The following TMEM132C variants were observed in gnomAD, a reference collection of about 807,000 sequenced individuals.
TMEM132C encodes protein phosphatase 1, regulatory subunit 152.
TMEM132C carries 29 observed loss-of-function variants against 61.4 expected under a neutral mutation model. The ratio of observed to expected loss-of-function variants is 0.47; its 90% CI spans 0.35 to 0.64. The LOEUF (loss-of-function observed/expected upper bound fraction) is 0.64. Ranked by LOEUF, TMEM132C falls within the 30% of genes least tolerant of loss-of-function variation. The pLI is 0.00. For synonymous variants in TMEM132C, 656 were observed against 633.1 expected, an observed-to-expected ratio of 1.04 and a Z score of -0.54; for missense variants, 1,408 against 1,476.9, an observed-to-expected ratio of 0.95 and a Z score of 0.76.
At chr12:128,596,214 G>A (rs1279677178) in intron 3 of TMEM132C, among the ~76,000 whole-genome samples, 4 of 151,110 alleles carry the variant, frequency 2.6e-5, no homozygotes, top group African/African-American at 7.3e-5. Flanking sequence ...TGCCCCTTTC[G>A]CAGGTCCTGG....
chr12:128,528,793 T>C (rs1443785083), intron 2 of TMEM132C, among the ~76,000 whole-genome samples: 1 of 152,142 alleles, frequency 6.6e-6, no homozygotes, highest in Non-Finnish European at 1.5e-5. Context: ...GCTTAGACCA[T>C]GGCTCACCGT....
intron 3 of TMEM132C, among the ~76,000 whole-genome samples, chr12:128,595,495 G>A (rs2135569468): frequency 6.6e-6 from 1 of 152,306 alleles, no homozygotes; most frequent in Non-Finnish European, 1.5e-5. Context: ...AGGGGCAAGG[G>A]TAATTGCCAA....
At chr12:128,634,960 T>C (rs1157968886) in intron 4 of TMEM132C, among the ~76,000 whole-genome samples, 1 of 152,200 alleles carries the variant, frequency 6.6e-6, no homozygotes, top group Non-Finnish European at 1.5e-5. Flanking sequence ...AGATAGTTCC[T>C]TTTCTAAGTA....
chr12:128,297,790 A>G (rs1213158471), intron 1 of TMEM132C, among the ~76,000 whole-genome samples: 1 of 152,186 alleles, frequency 6.6e-6, no homozygotes, highest in Non-Finnish European at 1.5e-5. Context: ...AAAAGTTAAA[A>G]CCCAATCATT....
chr12:128,430,794 T>C (rs1040779410), intron 2 of TMEM132C, among the ~76,000 whole-genome samples: 4 of 152,238 alleles, frequency 2.6e-5, no homozygotes, highest in African/African-American at 7.2e-5. Context: ...CACCATGAAC[T>C]GTGCCCATAT....
chr12:128,644,495 G>A (rs187303274), intron 4 of TMEM132C, among the ~76,000 whole-genome samples: 10 of 152,274 alleles, frequency 6.6e-5, no homozygotes, highest in South Asian at 2.1e-4. Flanking sequence ...TAAGTGAAGC[G>A]TTTAAAAATT....
intron 3 of TMEM132C, among the ~76,000 whole-genome samples, chr12:128,587,685 C>T (rs73426474): frequency 1.3e-5 from 2 of 152,152 alleles, no homozygotes; most frequent in Non-Finnish European, 1.5e-5. Context: ...AGCCTTCAAG[C>T]TCAGGACTTT....
At chr12:128,494,022 G>C (rs540464823) in intron 2 of TMEM132C, among the ~76,000 whole-genome samples, 17 of 151,548 alleles carry the variant, frequency 1.1e-4, no homozygotes, top group African/African-American at 2.7e-4. Flanking sequence ...GAGATACGTC[G>C]CATCAATACC....
At chr12:128,627,789 C>T (rs374829672) in intron 4 of TMEM132C, among the ~76,000 whole-genome samples, 56 of 152,292 alleles carry the variant, frequency 3.7e-4, no homozygotes, top group African/African-American at 1.3e-3. Context: ...CAGCTCCCTC[C>T]GCCGAGGAGT....
chr12:128,609,418 T>C (rs1412007863), intron 3 of TMEM132C, among the ~76,000 whole-genome samples: 5 of 151,300 alleles, frequency 3.3e-5, no homozygotes, highest in Non-Finnish European at 7.4e-5. Context: ...TAGTTTTTGT[T>C]TTTGTTTTGT....
At chr12:128,417,136 C>G (rs1178732938) in intron 2 of TMEM132C, among the ~76,000 whole-genome samples, 1 of 152,136 alleles carries the variant, frequency 6.6e-6, no homozygotes, top group African/African-American at 2.4e-5. Flanking sequence ...AGATGCTGAT[C>G]TGGGAGCTCT....
intron 3 of TMEM132C, among the ~76,000 whole-genome samples, chr12:128,565,875 GAAAA>G (rs768067209): frequency 2.3e-5 from 3 of 131,344 alleles, no homozygotes; most frequent in East Asian, 4.3e-4. Flanking sequence ...CTAAATAGGT[GAAAA>G]AAAAAAAAAG....
chr12:128,370,561 C>T (rs578149524), intron 1 of TMEM132C, among the ~76,000 whole-genome samples: 16 of 151,588 alleles, frequency 1.1e-4, no homozygotes, highest in East Asian at 6.0e-4. Context: ...TCAAGCAGGA[C>T]GGAGGTAGAG....
At chr12:128,701,642 G>C (rs1039034052) in intron 8 of TMEM132C, among the ~76,000 whole-genome samples, 3 of 152,110 alleles carry the variant, frequency 2.0e-5, no homozygotes. Flanking sequence ...CCAAACAAGC[G>C]TTGGACATTC....
intron 4 of TMEM132C, among the ~76,000 whole-genome samples, chr12:128,642,281 G>A (rs1480279071): frequency 1.3e-5 from 2 of 151,960 alleles, no homozygotes; most frequent in Non-Finnish European, 2.9e-5. Flanking sequence ...ACAGGTGTGT[G>A]CCACCATGTC....
chr12:128,356,486 G>C (rs1382289906), intron 1 of TMEM132C, among the ~76,000 whole-genome samples: 1 of 152,206 alleles, frequency 6.6e-6, no homozygotes, highest in Non-Finnish European at 1.5e-5. Flanking sequence ...TGTCTTCTCA[G>C]TTAGGAGGAA....
intron 4 of TMEM132C, among the ~76,000 whole-genome samples, chr12:128,641,484 A>G (rs1565999867): frequency 6.6e-6 from 1 of 152,208 alleles, no homozygotes. Context: ...AAGTGTCCTC[A>G]TAAGAGACAG....
Position 128,707,319 on chromosome 12 carries a change from AAAG to A in TMEM132C, c.*1026_*1028del, listed in dbSNP as rs1238943746. 6.6e-6 allele frequency: 1 copy of A among 152,228 alleles called. No homozygotes were observed. Among genetic ancestry groups the A allele is most frequent in the Non-Finnish European group, 1.5e-5 (1 of 68,044 alleles). 9.4% of individuals were successfully genotyped at this position (152,228 alleles called of 1,614,324 possible). On this transcript the variant is annotated 3_prime_UTR_variant, in exon 9 of 9. Transcript: ENST00000435159. ...TGGGAGAAAGTTGGGTTAAATCAAA[AAAG>A]AGGCCACGCCCAGGTGTAATCAGAG...
intron 1 of TMEM132C, among the ~76,000 whole-genome samples, chr12:128,285,809 C>T (rs1871044398): frequency 1.0e-5 from 1 of 97,322 alleles, no homozygotes; most frequent in Non-Finnish European, 1.9e-5. Context: ...ATCCCTCTCT[C>T]CCTTTCTCTC....
Sources: allele counts gnomAD v4.1 joint callset (sites outside exome capture counted in the v4.1 genomes callset), GRCh38; gene constraint gnomAD v4.1.1; transcripts MANE v1.5; gene names NCBI Gene and HGNC (gene_info 2026-07-23, HGNC 2026-07-21).